The following ZNF592 variants were observed in gnomAD, a reference collection of about 807,000 sequenced individuals.
ZNF592 encodes the protein spinocerebellar ataxia, autosomal recessive 5.
In ZNF592, 11 loss-of-function variants were observed where a neutral mutation model predicts 80.3. That is an observed-to-expected ratio of 0.14 (90% CI 0.09 to 0.23). The LOEUF (loss-of-function observed/expected upper bound fraction) is 0.23, where lower values mean the gene tolerates loss of function less well. ZNF592 is among the 10% of genes least tolerant of loss of function. The probability of loss-of-function intolerance (pLI) is 1.00; values close to 1 mark genes in which losing one functional copy is unlikely to be tolerated. For missense variants in ZNF592, 1,420 were observed against 1,633.9 expected, an observed-to-expected ratio of 0.87 and a Z score of 2.26; for synonymous variants, 646 against 640.3, an observed-to-expected ratio of 1.01 and a Z score of -0.13.
intron 1 of ZNF592, among the ~76,000 whole-genome samples, chr15:84,754,192 C>T (rs1899095495): frequency 6.6e-6 from 1 of 152,214 alleles, no homozygotes; most frequent in South Asian, 2.1e-4. Context: ...GCTGTCGTCC[C>T]CTGGTCACTG....
chr15:84,773,274 C>T (rs1466033703), intron 2 of ZNF592, among the ~76,000 whole-genome samples: 10 of 147,122 alleles, frequency 6.8e-5, no homozygotes, highest in South Asian at 4.3e-4. Context: ...TGCAGTGATG[C>T]GATCTCGGCT....
rs8040928 is a variant in ZNF592 at position 84,794,948 on chromosome 15, G to C, written c.2400-2921G>C. Among the ~76,000 whole-genome samples the C allele has an allele frequency of 6.0e-3, 915 of 151,998 alleles. 4 individuals carry two copies. The highest frequency in any genetic ancestry group is 0.021 in the African/African-American group (852 of 41,480). On this transcript the variant is annotated intron_variant, in intron 5 of 10. Coordinates refer to ENST00000560079, the MANE Select transcript of ZNF592 (RefSeq NM_014630.3). ...CATTCTGTGGATGTTAATTTTTTTA[G>C]TAAATTCTCAAGATACCTATGTTCC...
In ZNF592 at chr15:84,799,317, A is replaced by T. The variant is rs1353073854; in HGVS notation, c.3137+107A>T. ...CAAGATCAGGTGTCTAAGACAAGAG[A>T]CAAGTGATTTCCAACTGGAAGAAAT... On this transcript the variant is annotated intron_variant, in intron 9 of 10. Coordinates refer to ENST00000560079, the MANE Select transcript of ZNF592 (RefSeq NM_014630.3). The surrounding 1 kb of genome is among the most constrained non-coding windows in gnomAD (Gnocchi z 4.2). The T allele has an allele frequency of 1.7e-6, 2 of 1,180,998 alleles. No homozygotes were observed. The highest frequency in any genetic ancestry group is 2.4e-5 in the East Asian group (1 of 42,340). The allele number at this position is 1,180,998 out of a possible 1,614,324, so 73.2% of individuals were successfully genotyped here. A position where few individuals can be genotyped will look rare whatever the true frequency, so the allele number is the denominator to read the frequency against.
At chr15:84,800,308 A>G (rs989904275) in intron 10 of ZNF592, among the ~76,000 whole-genome samples, 1 of 152,114 alleles carries the variant, frequency 6.6e-6, no homozygotes, top group Non-Finnish European at 1.5e-5. Context: ...CTGAGGCGGG[A>G]GCACACAGGA....
chr15:84,753,199 G>A (rs1899063185), intron 1 of ZNF592: 1 of 152,200 alleles, frequency 6.6e-6, no homozygotes, highest in Non-Finnish European at 1.5e-5. Flanking sequence ...TCAGAAAGGA[G>A]CGTTCCATAG....
chr15:84,772,139 T>C (rs1962099550), intron 2 of ZNF592, among the ~76,000 whole-genome samples: 1 of 152,208 alleles, frequency 6.6e-6, no homozygotes, highest in Non-Finnish European at 1.5e-5. Flanking sequence ...ATCTGGGGCT[T>C]TGTTCTGGGT....
chr15:84,760,536 G>C (rs1377628586), intron 1 of ZNF592, among the ~76,000 whole-genome samples: 2 of 152,136 alleles, frequency 1.3e-5, no homozygotes, highest in Non-Finnish European at 2.9e-5. Context: ...GTTCACTGTG[G>C]TGTCCACTGT....
At position 84,804,441 on chromosome 15, in the gene ZNF592, A is replaced by G. The variant is rs1329546982; in HGVS notation, c.*2048A>G. On this transcript the variant is annotated 3_prime_UTR_variant, in exon 11 of 11. Coordinates refer to ENST00000560079, the MANE Select transcript of ZNF592 (RefSeq NM_014630.3). ...TTGACCACCTGTCGTGACCCCAGAT[A>G]TACATCTCCTTCCTGGGAAGAACGT... The G allele has an allele frequency of 1.3e-5, 2 of 152,224 alleles. No homozygotes were observed. Among genetic ancestry groups the G allele is most frequent in the African/African-American group, 2.4e-5 (1 of 41,454 alleles). The allele number at this position is 152,224 out of a possible 1,614,324, so 9.4% of individuals were successfully genotyped here.
At position 84,798,039 on chromosome 15, in the gene ZNF592, C is replaced by T. The variant is rs1962971967; in HGVS notation, c.2570C>T (p.Pro857Leu). Reference protein sequence around the residue: ...ATQHPTQPHRPSQLIYKCSCE... With the variant: ...ATQHPTQPHRLSQLIYKCSCE... ...CAGCACCCCACCCAGCCCCACAGAC[C>T]CTCCCAGTGAGTGCAGCTCCAGGGC... The change falls in exon 6 of 11, where the codon CCC becomes CTC. Residue 857 changes from proline to leucine, a missense_variant. Pro to Leu is a moderately conservative substitution (Grantham distance 98). Coordinates refer to ENST00000560079, the MANE Select transcript of ZNF592 (RefSeq NM_014630.3). The surrounding 1 kb of genome is among the most constrained non-coding windows in gnomAD (Gnocchi z 4.5). The T allele has an allele frequency of 6.2e-7, 1 of 1,613,758 alleles. No individual in the cohort carries two copies.
At position 84,801,434 on chromosome 15, in the gene ZNF592, A is replaced by G. The variant is rs532600516; in HGVS notation, c.3274-429A>G. The stretch of plus-strand genomic sequence containing the variant: ...AGGATCGCTTAAGCCCGGTAGGTCA[A>G]GGATGCAGTGAGCTGTGATTGTGCC... On this transcript the variant is annotated intron_variant, in intron 10 of 10. Transcript: ENST00000560079. 2.0e-5 allele frequency among the ~76,000 whole-genome samples: 3 copies of G among 152,386 alleles called. No homozygotes were observed. The South Asian group carries it at 6.2e-4, about 32-fold the overall frequency.
intron 1 of ZNF592, among the ~76,000 whole-genome samples, chr15:84,756,390 G>A (rs1227390518): frequency 6.6e-6 from 1 of 152,240 alleles, no homozygotes; most frequent in Non-Finnish European, 1.5e-5. Flanking sequence ...CTGAAATTGA[G>A]GGTATTCCTT....
chr15:84,798,388 G>A lies in ZNF592; in HGVS notation c.2650G>A (p.Val884Ile), dbSNP rs753945812. 6 of 1,614,236 alleles carry A rather than the reference G, an allele frequency of 3.7e-6. No individual in the cohort carries two copies. In the Admixed American group the frequency reaches 5.0e-5, roughly 13 times the overall value. ...CATTCAGCAGCATTTTTACCAGAAT[G>A]TCAGCAAGACGCAGGTGGGCGTCTT... Reference protein sequence around the residue: ...RHIQQHFYQNVSKTQVGVFKC... With the variant: ...RHIQQHFYQNISKTQVGVFKC... Residue 884 changes from valine to isoleucine, a missense_variant, in exon 7 of 11, where the codon GTC (valine) becomes ATC (isoleucine). By Grantham distance (29) the Val-to-Ile change is conservative (BLOSUM62 3). Around this residue, in one of 7 missense-constraint regions of ZNF592, gnomAD observed 331 missense variants for 347.0 expected, o/e 0.95. Transcript: ENST00000560079. This position sits in a 1 kb window ranked among gnomAD's most constrained non-coding sequence, Gnocchi z 4.5.
At chr15:84,749,626 G>A (rs1898953177) in intron 1 of ZNF592, among the ~76,000 whole-genome samples, 1 of 152,190 alleles carries the variant, frequency 6.6e-6, no homozygotes, top group African/African-American at 2.4e-5. Flanking sequence ...TTTGGCTTAT[G>A]GTTTGCCCAC....
chr15:84,804,997 G>C lies in ZNF592; in HGVS notation c.*2604G>C, dbSNP rs992291682. 2.0e-5 allele frequency: 3 copies of C among 152,140 alleles called. No homozygotes were observed. The highest frequency in any genetic ancestry group is 4.8e-5 in the African/African-American group (2 of 41,422). 9.4% of individuals were successfully genotyped at this position (152,140 alleles called of 1,614,324 possible). The stretch of plus-strand genomic sequence containing the variant: ...GTCAAGCCTGTCAACCACTGTGCTC[G>C]TTAGTGACCAAGGCTGCTTTGACAG... On this transcript the variant is annotated 3_prime_UTR_variant, in exon 11 of 11. Transcript: ENST00000560079.
intron 5 of ZNF592, among the ~76,000 whole-genome samples, chr15:84,796,250 AT>A (rs1861508870): frequency 1.3e-4 from 3 of 23,658 alleles, no homozygotes; most frequent in Admixed American, 5.2e-4. Context: ...ATATATATAT[AT>A]ATATATATAT....
intron 1 of ZNF592, among the ~76,000 whole-genome samples, chr15:84,752,456 A>G (rs1159151184): frequency 1.3e-5 from 2 of 152,206 alleles, no homozygotes; most frequent in African/African-American, 2.4e-5. Context: ...TGACTTTTGA[A>G]CTAGGCTTTG....
At chr15:84,781,017 G>A (rs181673523) in intron 3 of ZNF592, among the ~76,000 whole-genome samples, 16 of 151,912 alleles carry the variant, frequency 1.1e-4, no homozygotes, top group Middle Eastern at 3.4e-3. Context: ...TTGCTATATA[G>A]ATTTCATAAT....
At position 84,786,841 on chromosome 15, in the gene ZNF592, CTTTTTTTTT is replaced by C. The variant is rs35391255; in HGVS notation, c.2220+1963_2220+1971del. On this transcript the variant is annotated intron_variant, in intron 4 of 10. Transcript: ENST00000560079. ...TTTTTTCACACTGGTCCTTACGTAT[CTTTTTTTTT>C]TTTTTTTTTTTTTTTTGTGAGACGG... 3.2e-4 allele frequency among the ~76,000 whole-genome samples: 23 copies of C among 70,838 alleles called. No individual in the cohort carries two copies. The South Asian group carries it at 4.1e-3, about 13-fold the overall frequency. The allele number at this position is 70,838 out of a possible 152,430, so 46.5% of individuals were successfully genotyped here. A position where few individuals can be genotyped will look rare whatever the true frequency, so the allele number is the denominator to read the frequency against.
In ZNF592 at chr15:84,802,300, C is replaced by T. The variant is rs749397196; in HGVS notation, c.3711C>T (p.Gly1237=). Residue 1237 remains glycine, a synonymous_variant, in exon 11 of 11, where the codon GGC becomes GGT. Transcript: ENST00000560079. ...SADPEARRLL[G]PAPEDDGGHN... is the part of the protein sequence containing the mutation. ...ACCCAGAGGCGAGGAGATTGCTGGG[C>T]CCGGCCCCTGAGGACGATGGTGGCC... 1.2e-6 allele frequency: 2 copies of T among 1,613,250 alleles called. No individual in the cohort carries two copies. Among genetic ancestry groups the T allele is most frequent in the Non-Finnish European group, 8.5e-7 (1 of 1,179,528 alleles).
Sources: allele counts gnomAD v4.1 joint callset (sites outside exome capture counted in the v4.1 genomes callset), GRCh38; gene constraint gnomAD v4.1.1; regional missense constraint gnomAD v4.1.1; non-coding constraint Gnocchi (gnomAD v3.1); transcripts MANE v1.5; gene names NCBI Gene and HGNC (gene_info 2026-07-23, HGNC 2026-07-21).